TTC27: variants seen among roughly 807,000 people sequenced by gnomAD.
TTC27 encodes tetratricopeptide repeat domain 27, also known as tetratricopeptide repeat protein 27.
Under a neutral mutation model 115.9 loss-of-function variants are expected in TTC27, and 79 were observed. The observed-to-expected ratio is 0.68, with a 90% confidence interval of 0.57 to 0.82. TTC27 has a LOEUF of 0.82. TTC27 is among the 40% of genes least tolerant of loss of function. The pLI is 0.00. For synonymous variants in TTC27, 401 were observed against 356.0 expected (o/e 1.13, Z -1.42); for missense variants, 1,054 against 993.1 (o/e 1.06, Z -0.82).
Position 32,664,416 on chromosome 2 carries a change from G to C in TTC27, c.754G>C (p.Asp252His). ...LYYYEYRKAK[D>H]QLDIAKDISQ... is the part of the protein sequence containing the mutation. ...TTATTATGAGTACAGAAAAGCAAAA[G>C]ATCAGTTGGATATTGCTAAGGACAT... Residue 252 changes from aspartate to histidine, a missense_variant, in exon 6 of 20, where the codon GAT becomes CAT. By Grantham distance (81) the Asp-to-His change is moderately conservative. Coordinates refer to ENST00000317907, the MANE Select transcript of TTC27 (RefSeq NM_017735.5). 6.2e-7 allele frequency: 1 copy of C among 1,612,132 alleles called. No homozygotes were observed. Among genetic ancestry groups the C allele is most frequent in the Non-Finnish European group, 8.5e-7 (1 of 1,179,424 alleles).
At chr2:32,819,814 T>G (rs908231499) in intron 19 of TTC27, among the ~76,000 whole-genome samples, 1 of 152,136 alleles carries the variant, frequency 6.6e-6, no homozygotes, top group Non-Finnish European at 1.5e-5. Flanking sequence ...CTTACAGTCT[T>G]TGGGACTCTC....
At chr2:32,644,872 CTTTTTT>C (rs35904079) in intron 4 of TTC27, among the ~76,000 whole-genome samples, 2 of 83,332 alleles carry the variant, frequency 2.4e-5, no homozygotes, top group East Asian at 3.9e-4. Context: ...TTCCTTTCTG[CTTTTTT>C]TTTTTTTTTT....
chr2:32,736,057 A>C (rs1668443057), intron 11 of TTC27, among the ~76,000 whole-genome samples: 1 of 152,126 alleles, frequency 6.6e-6, no homozygotes, highest in African/African-American at 2.4e-5. Flanking sequence ...CTACTTTTTT[A>C]AATCTTTAAA....
intron 16 of TTC27, among the ~76,000 whole-genome samples, chr2:32,789,776 T>C (rs947304810): frequency 6.6e-6 from 1 of 151,182 alleles, no homozygotes; most frequent in South Asian, 2.1e-4. Context: ...ACAAAAAAAA[T>C]TCAGCTGGGC....
chr2:32,633,992 A>G lies in TTC27; in HGVS notation c.383A>G (p.Gln128Arg), dbSNP rs139977008. The G allele has an allele frequency of 3.0e-5, 49 of 1,613,060 alleles. No homozygotes were observed. The highest frequency in any genetic ancestry group is 4.2e-5 in the Non-Finnish European group (49 of 1,179,576). ...PQDFLSSVLF[Q>R]QFSEVKGLDA... ...GACTTTTTGTCATCTGTTTTGTTCCAGCAATTCAGTGAGGTATGCTTCTTG... is the reference window on the plus strand; with the variant it reads ...GACTTTTTGTCATCTGTTTTGTTCCGGCAATTCAGTGAGGTATGCTTCTTG... The change falls in exon 3 of 20, where the codon CAG becomes CGG. Residue 128 changes from glutamine (Q) to arginine (R), a missense_variant. By Grantham distance (43) the Gln-to-Arg change is conservative (BLOSUM62 1). Coordinates refer to ENST00000317907, the MANE Select transcript of TTC27 (RefSeq NM_017735.5).
At position 32,668,572 on chromosome 2, in the gene TTC27, T is replaced by TCCTC. The variant is rs1179317575; in HGVS notation, c.939+1807_939+1808insCCCT. On this transcript the variant is annotated intron_variant, in intron 7 of 19. Coordinates refer to ENST00000317907, the MANE Select transcript of TTC27 (RefSeq NM_017735.5). Reference sequence around the variant, plus strand: ...TCCCTCCCTCCCTCCCTTCCTTCCTTCCTTCCTTCCTTCCTTCCTTCCATT... The same window carrying TCCTC: ...TCCCTCCCTCCCTCCCTTCCTTCCTTCCTCCCTTCCTTCCTTCCTTCCTTCCATT... Among the ~76,000 whole-genome samples, 5 of 43,048 alleles carry TCCTC rather than the reference T, an allele frequency of 1.2e-4. No individual in the cohort carries two copies. In the East Asian group the frequency reaches 6.1e-3, roughly 53 times the overall value. 28.2% of individuals were successfully genotyped at this position (43,048 alleles called of 152,430 possible).
chr2:32,731,985 G>C (rs549477536), intron 10 of TTC27, among the ~76,000 whole-genome samples: 362 of 151,866 alleles, frequency 2.4e-3, no homozygotes, highest in Admixed American at 4.3e-3. Context: ...ATGTTATTAG[G>C]TGTTAGTAAT....
At chr2:32,718,063 G>C (rs149433111) in intron 10 of TTC27, among the ~76,000 whole-genome samples, 2,002 of 152,178 alleles carry the variant, frequency 0.013, 24 homozygotes, top group Non-Finnish European at 0.018. Flanking sequence ...ATAAATGTTA[G>C]TTGCCATAAT....
At chr2:32,797,345 A>ATT (rs141433203) in intron 16 of TTC27, among the ~76,000 whole-genome samples, 5 of 149,146 alleles carry the variant, frequency 3.4e-5, no homozygotes, top group African/African-American at 9.8e-5. Context: ...ACATCTAACA[A>ATT]TTTTTTTTTT....
At chr2:32,664,110 T>C (rs1023143794) in intron 5 of TTC27, among the ~76,000 whole-genome samples, 193 bp from the exon 6 acceptor site, 7 of 152,208 alleles carry the variant, frequency 4.6e-5, no homozygotes, top group African/African-American at 1.7e-4. Context: ...AGCTCATGTC[T>C]GGAGCATATA....
rs1290141692 is a variant in TTC27 at position 32,641,866 on chromosome 2, A to AT, written c.537+1463dup. On this transcript the variant is annotated intron_variant, in intron 4 of 19. Transcript: ENST00000317907. Reference sequence around the variant, plus strand: ...GCTAATTTTGTATTTTTATTTATTTATTTTTTTGAGACAGAGTCTCGCTCT... The same window carrying AT: ...GCTAATTTTGTATTTTTATTTATTTATTTTTTTTGAGACAGAGTCTCGCTCT... Among the ~76,000 whole-genome samples, 3 of 146,956 alleles carry AT rather than the reference A, an allele frequency of 2.0e-5. No individual in the cohort carries two copies. In the East Asian group the frequency reaches 6.0e-4, roughly 29 times the overall value.
chr2:32,740,482 T>C (rs1335624126), intron 12 of TTC27, among the ~76,000 whole-genome samples: 3 of 151,774 alleles, frequency 2.0e-5, no homozygotes, highest in South Asian at 2.1e-4. Flanking sequence ...AGAGATTCTT[T>C]ATACAGTTTA....
chr2:32,787,221 T>A, intron 16 of TTC27, 72 bp downstream of exon 16: 3 of 1,500,518 alleles, frequency 2.0e-6, no homozygotes, highest in Non-Finnish European at 2.7e-6. Context: ...ATAAATTATT[T>A]CCTTGAATAT....
At chr2:32,712,169 A>G (rs1667603175) in intron 10 of TTC27, among the ~76,000 whole-genome samples, 2 of 152,322 alleles carry the variant, frequency 1.3e-5, no homozygotes, top group South Asian at 4.2e-4. Flanking sequence ...CAGATTTGGA[A>G]GAGATCTCTA....
chr2:32,644,718 C>G (rs893699107), intron 4 of TTC27, among the ~76,000 whole-genome samples: 10 of 152,002 alleles, frequency 6.6e-5, no homozygotes, highest in African/African-American at 2.2e-4. Flanking sequence ...AGCACACCAT[C>G]CTGCCTGGCT....
intron 5 of TTC27, among the ~76,000 whole-genome samples, chr2:32,662,972 C>T (rs773924120): frequency 3.3e-5 from 5 of 152,078 alleles, no homozygotes; most frequent in Non-Finnish European, 5.9e-5. Context: ...TCTTTGTTTA[C>T]ACTGTGTGGG....
intron 8 of TTC27, 46 bp downstream of exon 8, chr2:32,672,430 A>T: frequency 7.2e-7 from 1 of 1,384,866 alleles, no homozygotes; most frequent in Non-Finnish European, 1.0e-6. Context: ...TTGCATATTG[A>T]TTCTCTTATG....
At chr2:32,682,503 G>A (rs367788314) in intron 9 of TTC27, among the ~76,000 whole-genome samples, 3 of 152,122 alleles carry the variant, frequency 2.0e-5, no homozygotes, top group East Asian at 3.9e-4. Flanking sequence ...GGCCATAGAT[G>A]TGGAAGAGAA....
intron 9 of TTC27, among the ~76,000 whole-genome samples, chr2:32,679,233 G>C (rs1329383248): frequency 2.0e-5 from 3 of 152,200 alleles, no homozygotes; most frequent in Middle Eastern, 3.2e-3. Context: ...GTCTAGAGCA[G>C]TCCGGAGATA....
Sources: gnomAD v4.1 joint callset for allele counts (sites outside exome capture counted in the v4.1 genomes callset) on GRCh38, gnomAD v4.1.1 for gene constraint, MANE v1.5 for transcripts, NCBI Gene and HGNC (gene_info 2026-07-23, HGNC 2026-07-21) for gene names.